Variants in ADSS2 observed in about 807,000 individuals in gnomAD.
ADSS2 encodes adenylosuccinate synthase 2.
In ADSS2, 30 loss-of-function variants were observed where a neutral mutation model predicts 60.0. The observed-to-expected ratio is 0.50, with a 90% confidence interval of 0.37 to 0.68. ADSS2 has a LOEUF of 0.68. Ranked by LOEUF, ADSS2 falls within the 30% of genes least tolerant of loss-of-function variation. The probability of loss-of-function intolerance (pLI) is 0.00; values close to 1 mark genes in which losing one functional copy is unlikely to be tolerated. For missense variants in ADSS2, 373 were observed against 554.8 expected, an observed-to-expected ratio of 0.67 and a Z score of 3.29; for synonymous variants, 187 against 193.1, an observed-to-expected ratio of 0.97 and a Z score of 0.26.
At position 244,408,634 on chromosome 1, in the gene ADSS2, C is replaced by T. The variant is rs1558266344; in HGVS notation, c.*952G>A. 6.8e-6 allele frequency: 1 copy of T among 148,068 alleles called. No homozygotes were observed. The highest frequency in any genetic ancestry group is 2.5e-5 in the African/African-American group (1 of 40,316). The allele number at this position is 148,068 out of a possible 1,614,324, so 9.2% of individuals were successfully genotyped here. On this transcript the variant is annotated 3_prime_UTR_variant, in exon 13 of 13. Coordinates refer to ENST00000366535, the MANE Select transcript of ADSS2 (RefSeq NM_001126.5). Reference sequence around the variant, plus strand: ...TTATGCCTAATTGTCAAAATAACACCTTTTTTTTTTCAAGAAAGGAGAAAT... The same window carrying T: ...TTATGCCTAATTGTCAAAATAACACTTTTTTTTTTTCAAGAAAGGAGAAAT...
At chr1:244,433,054 T>C (rs1175583355) in intron 3 of ADSS2, among the ~76,000 whole-genome samples, 1 of 151,996 alleles carries the variant, frequency 6.6e-6, no homozygotes, top group Non-Finnish European at 1.5e-5. Context: ...CTGGTCAACA[T>C]GGTAAAACCC....
At chr1:244,448,187 G>A (rs2148017107) in intron 1 of ADSS2, among the ~76,000 whole-genome samples, 1 of 152,260 alleles carries the variant, frequency 6.6e-6, no homozygotes, top group African/African-American at 2.4e-5. Context: ...CATTTTAGCT[G>A]TACAAGGTCA....
At position 244,409,484 on chromosome 1, in the gene ADSS2, C is replaced by A; in HGVS notation, c.*102G>T. 1.1e-6 allele frequency: 1 copy of A among 914,026 alleles called. No individual in the cohort carries two copies. Among genetic ancestry groups the A allele is most frequent in the Non-Finnish European group, 1.7e-6 (1 of 576,702 alleles). 56.6% of individuals were successfully genotyped at this position (914,026 alleles called of 1,614,324 possible). The stretch of plus-strand genomic sequence containing the variant: ...AAACAACTGTAGGGCTTCAAACTTA[C>A]TTCAGTGTCTTTATTCTTGAATTTG... On this transcript the variant is annotated 3_prime_UTR_variant, in exon 13 of 13. Coordinates refer to ENST00000366535, the MANE Select transcript of ADSS2 (RefSeq NM_001126.5).
chr1:244,451,996 C>A (rs1665640268), upstream of ADSS2: 2 of 592,460 alleles, frequency 3.4e-6, no homozygotes, highest in South Asian at 2.6e-5. This position sits in a 1 kb window ranked among gnomAD's most constrained non-coding sequence, Gnocchi z 6.6. Context: ...CGCCACAGCC[C>A]GCTCAAGGGG....
Position 244,448,131 on chromosome 1 carries a change from C to T in ADSS2, c.183+3504G>A, listed in dbSNP as rs147122563. ...CTGGAAGAATGGCTTACCTTAAATGCTAATTACCTACTATCCTTAAAATTA... is the reference window on the plus strand; with the variant it reads ...CTGGAAGAATGGCTTACCTTAAATGTTAATTACCTACTATCCTTAAAATTA... On this transcript the variant is annotated intron_variant, in intron 1 of 12. Transcript: ENST00000366535. Among the ~76,000 whole-genome samples the T allele has an allele frequency of 3.4e-4, 52 of 152,200 alleles. 1 individual carries two copies. Among genetic ancestry groups the T allele is most frequent in the African/African-American group, 1.2e-3 (50 of 41,524 alleles).
Position 244,451,821 on chromosome 1 carries a change from T to G in ADSS2, c.-4A>C. ...GGTAGGTCTCGGCGAACGCCATGGC[T>G]CCAGTGACGCGAGGAGAGCCCGAAG... On this transcript the variant is annotated 5_prime_UTR_variant, in exon 1 of 13. Transcript: ENST00000366535. This position sits in a 1 kb window ranked among gnomAD's most constrained non-coding sequence, Gnocchi z 6.6. 1 of 1,575,112 alleles carries G rather than the reference T, an allele frequency of 6.3e-7. No individual in the cohort carries two copies. The highest frequency in any genetic ancestry group is 8.6e-7 in the Non-Finnish European group (1 of 1,163,754).
At chr1:244,427,817 A>T (rs1266993389) in intron 4 of ADSS2, among the ~76,000 whole-genome samples, 3 of 152,206 alleles carry the variant, frequency 2.0e-5, no homozygotes, top group Non-Finnish European at 4.4e-5. Flanking sequence ...TATATACAGC[A>T]TCAAAACTTT....
chr1:244,450,574 G>GC lies in ADSS2; in HGVS notation c.183+1060dup, dbSNP rs551469436. 9.8e-5 allele frequency among the ~76,000 whole-genome samples: 15 copies of GC among 152,302 alleles called. No individual in the cohort carries two copies. The South Asian group carries it at 2.9e-3, about 29-fold the overall frequency. ...GCATGGCACCATCATATCATGCCAT[G>GC]CATGTTCAAAAACAAATATTCTTGC... On this transcript the variant is annotated intron_variant, in intron 1 of 12. Transcript: ENST00000366535.
chr1:244,424,769 T>C (rs1013359404), intron 4 of ADSS2: 5 of 191,778 alleles, frequency 2.6e-5, no homozygotes, highest in African/African-American at 4.8e-5. Context: ...CGAGCTTCCA[T>C]CACCTCTCAC....
chr1:244,428,068 A>G (rs2148000571), intron 4 of ADSS2, among the ~76,000 whole-genome samples: 1 of 152,334 alleles, frequency 6.6e-6, no homozygotes, highest in Non-Finnish European at 1.5e-5. Context: ...TAGAATACAC[A>G]CATAGAAAAT....
chr1:244,424,876 A>T (rs1664761856), intron 4 of ADSS2: 1 of 154,024 alleles, frequency 6.5e-6, no homozygotes, highest in Non-Finnish European at 1.4e-5. Flanking sequence ...TCCAAGACAC[A>T]AATATGGCAT....
intron 1 of ADSS2, among the ~76,000 whole-genome samples, chr1:244,449,280 G>A (rs992076093): frequency 6.6e-6 from 1 of 152,204 alleles, no homozygotes; most frequent in Non-Finnish European, 1.5e-5. Flanking sequence ...AAGTCCTTAT[G>A]AGTCTACTGG....
intron 1 of ADSS2, among the ~76,000 whole-genome samples, chr1:244,445,401 C>T (rs1019192442): frequency 1.3e-5 from 2 of 152,144 alleles, no homozygotes; most frequent in Non-Finnish European, 1.5e-5. Context: ...AGCATTACTG[C>T]AGGATAGAGG....
rs756788957 is a variant in ADSS2 at position 244,451,759 on chromosome 1, C to T, written c.59G>A (p.Arg20His). 1 of 1,600,600 alleles carries T rather than the reference C, an allele frequency of 6.2e-7. No individual in the cohort carries two copies. The highest frequency in any genetic ancestry group is 1.1e-5 in the South Asian group (1 of 89,066). Residue 20 changes from arginine (R) to histidine (H), a missense_variant, in exon 1 of 13, where the codon CGC (arginine) becomes CAC (histidine). By Grantham distance (29) the Arg-to-His change is conservative. Coordinates refer to ENST00000366535, the MANE Select transcript of ADSS2 (RefSeq NM_001126.5). This position sits in a 1 kb window ranked among gnomAD's most constrained non-coding sequence, Gnocchi z 6.6. ...ASSLPNGDCG[R>H]PRARPGGNRV... ...GTTTCCTCCGGGCCGCGCCCTGGGG[C>T]GGCCGCAATCGCCGTTGGGCAGGGA...
intron 10 of ADSS2, among the ~76,000 whole-genome samples, chr1:244,417,214 G>A (rs1238601247): frequency 2.0e-5 from 3 of 152,090 alleles, no homozygotes; most frequent in Non-Finnish European, 4.4e-5. Flanking sequence ...TGATTAACTT[G>A]CTCAGCTACA....
chr1:244,424,566 A>C, intron 4 of ADSS2, 179 bp from the exon 5 acceptor site: 1 of 516,490 alleles, frequency 1.9e-6, no homozygotes, highest in Non-Finnish European at 3.5e-6. Flanking sequence ...TTAATATGAA[A>C]ATGTCTGATC....
At chr1:244,432,700 G>A in intron 3 of ADSS2, 105 bp from the exon 4 acceptor site, 1 of 661,734 alleles carries the variant, frequency 1.5e-6, no homozygotes, top group Non-Finnish European at 2.3e-6. Flanking sequence ...GTCTCGCTCT[G>A]TCACCCAGGC....
intron 3 of ADSS2, 33 bp from the exon 4 acceptor site, chr1:244,432,628 T>A: frequency 7.5e-7 from 1 of 1,333,990 alleles, no homozygotes; most frequent in East Asian, 2.4e-5. Flanking sequence ...TTTAATTGAA[T>A]ATTTTGTATA....
rs933209316 is a variant in ADSS2 at position 244,451,526 on chromosome 1, C to G, written c.183+109G>C. On this transcript the variant is annotated intron_variant, in intron 1 of 12. Transcript: ENST00000366535. The surrounding 1 kb of genome is among the most constrained non-coding windows in gnomAD (Gnocchi z 6.6). Reference sequence around the variant, plus strand: ...GGAGGAGAGAGCCTCAAGGTGACACCTCATTTTGGCCAGTGGATCCGGGTT... The same window carrying G: ...GGAGGAGAGAGCCTCAAGGTGACACGTCATTTTGGCCAGTGGATCCGGGTT... 4.9e-6 allele frequency: 6 copies of G among 1,231,382 alleles called. No individual in the cohort carries two copies. In the African/African-American group the frequency reaches 9.2e-5, roughly 19 times the overall value. 76.3% of individuals were successfully genotyped at this position (1,231,382 alleles called of 1,614,324 possible).
Sources: allele counts gnomAD v4.1 joint callset (sites outside exome capture counted in the v4.1 genomes callset), GRCh38; gene constraint gnomAD v4.1.1; non-coding constraint Gnocchi (gnomAD v3.1); transcripts MANE v1.5; gene names NCBI Gene and HGNC (gene_info 2026-07-23, HGNC 2026-07-21).